Variants in CLRN3 observed in about 807,000 individuals in gnomAD.
The protein encoded by CLRN3 is clarin-3.
In CLRN3, 12 loss-of-function variants were observed where a neutral mutation model predicts 16.7. That is an observed-to-expected ratio of 0.72 (90% CI 0.46 to 1.16). CLRN3 has a LOEUF of 1.16. Ranked by LOEUF, CLRN3 falls within the 50% of genes most tolerant of loss-of-function variation. CLRN3 has a pLI of 0.00. For missense variants in CLRN3, 296 were observed against 274.2 expected, an observed-to-expected ratio of 1.08 and a Z score of -0.56; for synonymous variants, 118 against 113.0, an observed-to-expected ratio of 1.04 and a Z score of -0.28.
intron 1 of CLRN3, among the ~76,000 whole-genome samples, chr10:127,887,771 G>A (rs1270111971): frequency 6.6e-6 from 1 of 152,174 alleles, no homozygotes; most frequent in Admixed American, 6.5e-5. Flanking sequence ...AACTTCCATA[G>A]AATCTGACAG....
Position 127,878,268 on chromosome 10 carries a change from T to A in CLRN3, c.562A>T (p.Ile188Phe). 5.6e-6 allele frequency: 9 copies of A among 1,614,200 alleles called. No homozygotes were observed. The highest frequency in any genetic ancestry group is 7.6e-6 in the Non-Finnish European group (9 of 1,180,038). Residue 188 changes from isoleucine to phenylalanine, a missense_variant, in exon 3 of 3, where the codon ATT becomes TTT. Ile to Phe is a conservative substitution (Grantham distance 21). Coordinates refer to ENST00000368671, the MANE Select transcript of CLRN3 (RefSeq NM_152311.5). ...GTTACAGTGACTATATTTAGAAGAA[T>A]GACGAGCAGTATGAGCCAGAACGAG... ...GYSFWLILLV[I>F]LLNIVTVTII...
chr10:127,879,405 C>T (rs1259622561), intron 2 of CLRN3, among the ~76,000 whole-genome samples: 1 of 152,164 alleles, frequency 6.6e-6, no homozygotes, highest in Non-Finnish European at 1.5e-5. Flanking sequence ...AAAGAACATT[C>T]TTCAGTATAG....
rs752787211 is a variant in CLRN3, at chr10:127,883,687, G to A, written c.409+9C>T. 73 of 1,600,216 alleles carry A rather than the reference G, an allele frequency of 4.6e-5. 1 individual carries two copies. The Middle Eastern group carries it at 5.0e-4, about 11-fold the overall frequency. On this transcript the variant is annotated intron_variant, in intron 2 of 2. Transcript: ENST00000368671. ...TCTGCAGAGCACCGAGTCTCACAGGGCCACTCACCACCGAGCCCGTTCCAG... is the reference window on the plus strand; with the variant it reads ...TCTGCAGAGCACCGAGTCTCACAGGACCACTCACCACCGAGCCCGTTCCAG...
At chr10:127,886,587 G>A (rs1364448742) in intron 1 of CLRN3, among the ~76,000 whole-genome samples, 1 of 152,202 alleles carries the variant, frequency 6.6e-6, no homozygotes, top group Non-Finnish European at 1.5e-5. Context: ...GGGGAGGAGA[G>A]AGAAAAGGGC....
intron 1 of CLRN3, among the ~76,000 whole-genome samples, chr10:127,887,867 T>C (rs1471827268): frequency 6.6e-6 from 1 of 152,164 alleles, no homozygotes; most frequent in Non-Finnish European, 1.5e-5. Flanking sequence ...GAAGGCCACC[T>C]CACAATTGGC....
chr10:127,889,972 A>G (rs140597029), intron 1 of CLRN3, among the ~76,000 whole-genome samples: 10 of 152,258 alleles, frequency 6.6e-5, no homozygotes, highest in Middle Eastern at 6.8e-3. Context: ...CTGTCCTCCA[A>G]CTGGGCTTTG....
rs1329190473 is a variant in CLRN3 at position 127,883,780 on chromosome 10, C to G, written c.325G>C (p.Gly109Arg). ...LSLITSLLSS[G>R]FTFYNSISNP... is the part of the protein sequence containing the mutation. ...CTGATGCTGTTGTAGAAGGTAAACC[C>G]AGAGCTCAGCAGCGACGTGATCAAA... The change falls in exon 2 of 3, where the codon GGG becomes CGG. Residue 109 changes from glycine (G) to arginine (R), a missense_variant. Physicochemically the swap from Gly to Arg is moderately radical, Grantham distance 125. Coordinates refer to ENST00000368671, the MANE Select transcript of CLRN3 (RefSeq NM_152311.5). 2 of 1,613,986 alleles carry G rather than the reference C, an allele frequency of 1.2e-6. No individual in the cohort carries two copies. Among genetic ancestry groups the G allele is most frequent in the Admixed American group, 3.3e-5 (2 of 60,016 alleles).
chr10:127,886,673 G>A (rs1845198644), intron 1 of CLRN3, among the ~76,000 whole-genome samples: 1 of 152,232 alleles, frequency 6.6e-6, no homozygotes, highest in East Asian at 1.9e-4. Context: ...TGGGAGAAGG[G>A]AGCAAACCAG....
At chr10:127,881,124 G>A (rs147700803) in intron 2 of CLRN3, among the ~76,000 whole-genome samples, 1 of 152,278 alleles carries the variant, frequency 6.6e-6, no homozygotes, top group African/African-American at 2.4e-5. Flanking sequence ...TCCCAGGCAG[G>A]CATCAGAATG....
chr10:127,885,033 T>C (rs1378262235), intron 1 of CLRN3, among the ~76,000 whole-genome samples: 1 of 152,224 alleles, frequency 6.6e-6, no homozygotes, highest in East Asian at 1.9e-4. Context: ...TTCTGGTTTC[T>C]CTGGTCTCCA....
intron 2 of CLRN3, among the ~76,000 whole-genome samples, chr10:127,879,483 A>C (rs1845100463): frequency 6.6e-6 from 1 of 152,184 alleles, no homozygotes; most frequent in African/African-American, 2.4e-5. Context: ...CAGGATTGGA[A>C]ATCCCAGCTA....
chr10:127,891,100 G>C (rs1845253042), intron 1 of CLRN3, among the ~76,000 whole-genome samples: 1 of 152,160 alleles, frequency 6.6e-6, no homozygotes, highest in Non-Finnish European at 1.5e-5. Context: ...CTCCCACCTG[G>C]GCTGCCGCAC....
At chr10:127,881,247 C>T (rs1043115782) in intron 2 of CLRN3, among the ~76,000 whole-genome samples, 2 of 152,236 alleles carry the variant, frequency 1.3e-5, no homozygotes, top group Non-Finnish European at 2.9e-5. Context: ...CAGGAATTCC[C>T]TCTCCGTCCA....
chr10:127,882,356 C>A (rs1845138464), intron 2 of CLRN3, among the ~76,000 whole-genome samples: 1 of 152,182 alleles, frequency 6.6e-6, no homozygotes, highest in African/African-American at 2.4e-5. Flanking sequence ...TGACTCTGGT[C>A]CACCTGTAGT....
intron 1 of CLRN3, among the ~76,000 whole-genome samples, chr10:127,892,279 T>G (rs535705849): frequency 6.6e-6 from 1 of 152,314 alleles, no homozygotes; most frequent in South Asian, 2.1e-4. Context: ...TGCCACATAT[T>G]TTTACTTATT....
rs12267538 is a variant in CLRN3, at chr10:127,892,464, A to T, written c.229+92T>A. The T allele has an allele frequency of 2.7e-3, 2,102 of 787,324 alleles. 32 individuals are homozygous for T. The African/African-American group carries it at 0.033, about 13-fold the overall frequency. 48.8% of individuals were successfully genotyped at this position (787,324 alleles called of 1,614,324 possible). A position where few individuals can be genotyped will look rare whatever the true frequency, so the allele number is the denominator to read the frequency against. ...AGCCTAACCCAAAACTTACAAAGAA[A>T]TTATTTTTGAATGGTTATTTGGCCC... On this transcript the variant is annotated intron_variant, in intron 1 of 2. Coordinates refer to ENST00000368671, the MANE Select transcript of CLRN3 (RefSeq NM_152311.5).
chr10:127,882,948 CTGGGCAGA>C (rs1845146543), intron 2 of CLRN3, among the ~76,000 whole-genome samples: 1 of 152,164 alleles, frequency 6.6e-6, no homozygotes. Context: ...CAGCCCTGCT[CTGGGCAGA>C]TGGGCAGCTG....
chr10:127,878,770 G>A (rs1430505697), intron 2 of CLRN3, among the ~76,000 whole-genome samples: 1 of 152,216 alleles, frequency 6.6e-6, no homozygotes, highest in Non-Finnish European at 1.5e-5. Flanking sequence ...AGCTGTATAA[G>A]GAGGTCTGGG....
chr10:127,879,889 G>T (rs946237278), intron 2 of CLRN3, among the ~76,000 whole-genome samples: 9 of 152,142 alleles, frequency 5.9e-5, no homozygotes, highest in Admixed American at 5.2e-4. Context: ...ACGCACGGGG[G>T]CCGCCAGGGG....
Sources: gnomAD v4.1 joint callset for allele counts (sites outside exome capture counted in the v4.1 genomes callset) on GRCh38, gnomAD v4.1.1 for gene constraint, MANE v1.5 for transcripts, NCBI Gene and HGNC (gene_info 2026-07-23, HGNC 2026-07-21) for gene names.